The following TBCK variants were observed in gnomAD, a reference collection of about 807,000 sequenced individuals.
The protein encoded by TBCK is TBC domain-containing protein kinase-like protein.
Under a neutral mutation model 113.4 loss-of-function variants are expected in TBCK, and 99 were observed. That is an observed-to-expected ratio of 0.87 (90% CI 0.74 to 1.03). TBCK has a LOEUF of 1.03. Ranked by LOEUF, TBCK falls within the 50% of genes least tolerant of loss-of-function variation. The pLI, the probability that TBCK is intolerant of heterozygous loss-of-function variation, is 0.00. For missense variants in TBCK, 1,045 were observed against 1,061.3 expected (o/e 0.98, Z 0.21); for synonymous variants, 369 against 370.8 (o/e 1.00, Z 0.05).
intron 20 of TBCK, among the ~76,000 whole-genome samples, chr4:106,199,591 C>A (rs1162188617): frequency 2.0e-5 from 3 of 152,124 alleles, no homozygotes; most frequent in East Asian, 3.9e-4. Flanking sequence ...ATACACATAT[C>A]CTAAAACGAG....
chr4:106,071,232 T>G (rs1293661545), intron 25 of TBCK, among the ~76,000 whole-genome samples: 3 of 152,234 alleles, frequency 2.0e-5, no homozygotes, highest in Admixed American at 1.3e-4. Context: ...CTTGTGGGCA[T>G]TTAGTGCTAT....
intron 24 of TBCK, among the ~76,000 whole-genome samples, chr4:106,102,963 T>C (rs1244851119): frequency 6.6e-6 from 1 of 152,204 alleles, no homozygotes; most frequent in African/African-American, 2.4e-5. Context: ...TCCTAGACTT[T>C]AATTGCGAAG....
chr4:106,293,045 T>G (rs771462385), intron 3 of TBCK, among the ~76,000 whole-genome samples: 2 of 151,978 alleles, frequency 1.3e-5, no homozygotes, highest in Non-Finnish European at 2.9e-5. Context: ...TTCAAAAGAG[T>G]TTAAGCATTA....
At chr4:106,236,735 TA>T in intron 13 of TBCK, 23 bp downstream of exon 13, 1 of 1,341,002 alleles carries the variant, frequency 7.5e-7, no homozygotes, top group Non-Finnish European at 9.9e-7. Flanking sequence ...AAAATAAATC[TA>T]AAATGAGACT....
At chr4:106,074,470 A>G (rs1057072043) in intron 25 of TBCK, among the ~76,000 whole-genome samples, 49 of 152,344 alleles carry the variant, frequency 3.2e-4, no homozygotes, top group African/African-American at 8.7e-4. Context: ...TATATGCCTA[A>G]TCTAAAATCT....
rs1361871473 is a variant in TBCK, at chr4:106,137,722, C to T, written c.2236-21344G>A. Among the ~76,000 whole-genome samples, 2 of 139,588 alleles carry T rather than the reference C, an allele frequency of 1.4e-5. 1 individual carries two copies. The highest frequency in any genetic ancestry group is 5.1e-5 in the African/African-American group (2 of 39,600). 91.6% of individuals were successfully genotyped at this position (139,588 alleles called of 152,430 possible). ...ATAGCTCTCACACTAGAGAGAATCT[C>T]CTCCCCTCAAACAGAAGAGAGACAA... On this transcript the variant is annotated intron_variant, in intron 23 of 25. Transcript: ENST00000394708.
chr4:106,099,045 T>C (rs1741253287), intron 24 of TBCK, among the ~76,000 whole-genome samples: 1 of 152,104 alleles, frequency 6.6e-6, no homozygotes, highest in Non-Finnish European at 1.5e-5. Flanking sequence ...GTTTCTAAGA[T>C]ATTAAAACTT....
chr4:106,109,575 G>A (rs1742578896), intron 24 of TBCK, among the ~76,000 whole-genome samples: 1 of 152,182 alleles, frequency 6.6e-6, no homozygotes, highest in Non-Finnish European at 1.5e-5. Flanking sequence ...CTAGTCATAT[G>A]CGGAAGATTG....
intron 3 of TBCK, among the ~76,000 whole-genome samples, chr4:106,263,328 T>C (rs1389389676): frequency 1.3e-5 from 2 of 151,606 alleles, no homozygotes; most frequent in Non-Finnish European, 3.0e-5. Flanking sequence ...ACAGAACAAA[T>C]AGAAAATGAC....
intron 22 of TBCK, among the ~76,000 whole-genome samples, chr4:106,177,308 T>C (rs1751793609): frequency 6.6e-6 from 1 of 151,992 alleles, no homozygotes; most frequent in Non-Finnish European, 1.5e-5. Context: ...ACTCTGTTGA[T>C]TGTTTCCTTT....
rs1450300683 is a variant in TBCK, at chr4:106,102,528, G to A, written c.2412-6887C>T. Among the ~76,000 whole-genome samples the A allele has an allele frequency of 2.6e-5, 4 of 151,982 alleles. No individual in the cohort carries two copies. In the South Asian group the frequency reaches 6.3e-4, roughly 24 times the overall value. ...TATTGGTAGACAGCTTATTTTGCCT[G>A]TGGATAAGATTGCCTCCCTCCCTGT... On this transcript the variant is annotated intron_variant, in intron 24 of 25. Coordinates refer to ENST00000394708, the MANE Select transcript of TBCK (RefSeq NM_001163435.3).
At chr4:106,209,362 T>C (rs1316651366) in intron 20 of TBCK, among the ~76,000 whole-genome samples, 1 of 151,830 alleles carries the variant, frequency 6.6e-6, no homozygotes, top group Admixed American at 6.6e-5. Context: ...ACATTTACTC[T>C]AAAATTTTTT....
chr4:106,176,708 T>C (rs1396350672), intron 22 of TBCK, among the ~76,000 whole-genome samples: 1 of 152,024 alleles, frequency 6.6e-6, no homozygotes, highest in African/African-American at 2.4e-5. Flanking sequence ...GCAGTGGGAA[T>C]GCTGGATCTT....
At chr4:106,214,224 C>T (rs1163180994) in intron 19 of TBCK, among the ~76,000 whole-genome samples, 2 of 151,466 alleles carry the variant, frequency 1.3e-5, no homozygotes, top group Non-Finnish European at 2.9e-5. Flanking sequence ...CTGTACATCA[C>T]AATCATCAAA....
Position 106,093,067 on chromosome 4 carries a change from A to G in TBCK, c.2571+2415T>C, listed in dbSNP as rs201575063. Among the ~76,000 whole-genome samples the G allele has an allele frequency of 1.6e-4, 25 of 152,346 alleles. 1 individual carries two copies. The East Asian group carries it at 4.4e-3, about 27-fold the overall frequency. On this transcript the variant is annotated intron_variant, in intron 25 of 25. Coordinates refer to ENST00000394708, the MANE Select transcript of TBCK (RefSeq NM_001163435.3). ...TTCTGACTTTCTCTGAAATAGGTGT[A>G]TTGAGATTGTTCTCTGTTGGATGGT...
At chr4:106,282,574 T>C (rs936526457) in intron 3 of TBCK, among the ~76,000 whole-genome samples, 7 of 152,158 alleles carry the variant, frequency 4.6e-5, no homozygotes, top group African/African-American at 1.7e-4. Flanking sequence ...TTTGGCTGTA[T>C]TCCACAGGTT....
chr4:106,176,040 C>T (rs1560765256), intron 22 of TBCK, among the ~76,000 whole-genome samples: 1 of 151,952 alleles, frequency 6.6e-6, no homozygotes, highest in Non-Finnish European at 1.5e-5. Flanking sequence ...TAAATTAATA[C>T]ATAAAATTGT....
Position 106,068,831 on chromosome 4 carries a change from C to T in TBCK, c.2572-22151G>A, listed in dbSNP as rs181318968. ...TGTTGCTTTCTGACTTTTTAATGAT[C>T]GCCATTCTAACTGGTGTGAGATGGT... On this transcript the variant is annotated intron_variant, in intron 25 of 25. Transcript: ENST00000394708. Among the ~76,000 whole-genome samples the T allele has an allele frequency of 5.0e-3, 767 of 152,224 alleles. 10 individuals are homozygous for T. Among genetic ancestry groups the T allele is most frequent in the African/African-American group, 0.017 (721 of 41,550 alleles).
chr4:106,304,275 G>A (rs1006154399), intron 2 of TBCK, among the ~76,000 whole-genome samples: 1 of 151,958 alleles, frequency 6.6e-6, no homozygotes, highest in Non-Finnish European at 1.5e-5. Context: ...AAAAAGGTGG[G>A]GGACAAAAAG....
Sources: allele counts gnomAD v4.1 joint callset (sites outside exome capture counted in the v4.1 genomes callset), GRCh38; gene constraint gnomAD v4.1.1; transcripts MANE v1.5; gene names NCBI Gene and HGNC (gene_info 2026-07-23, HGNC 2026-07-21).